Variants in MANBA observed in about 807,000 individuals in gnomAD.
MANBA encodes the protein mannosidase beta.
Under a neutral mutation model 111.1 loss-of-function variants are expected in MANBA, and 83 were observed. The observed-to-expected ratio is 0.75, with a 90% CI of 0.63 to 0.90. MANBA has a LOEUF of 0.90. Among genes scored for constraint, MANBA ranks in the 40% least tolerant of loss-of-function variants. The probability of loss-of-function intolerance (pLI) is 0.00; values close to 1 mark genes in which losing one functional copy is unlikely to be tolerated. For synonymous variants in MANBA, 370 were observed against 378.7 expected (o/e 0.98, Z 0.27); for missense variants, 1,036 against 1,069.0 (o/e 0.97, Z 0.43).
At chr4:102,719,330 C>T (rs1722473305) in intron 4 of MANBA, among the ~76,000 whole-genome samples, 1 of 152,222 alleles carries the variant, frequency 6.6e-6, no homozygotes, top group Admixed American at 6.5e-5. Flanking sequence ...CCTGACCCCA[C>T]AGGCAGTCAG....
intron 1 of MANBA, among the ~76,000 whole-genome samples, chr4:102,750,977 C>A (rs1000641410): frequency 9.2e-5 from 14 of 151,984 alleles, no homozygotes; most frequent in Non-Finnish European, 1.8e-4. Flanking sequence ...AGAGAAGAAA[C>A]AAAATTAGCC....
intron 11 of MANBA, among the ~76,000 whole-genome samples, chr4:102,662,255 C>T (rs908506427): frequency 6.6e-6 from 1 of 152,008 alleles, no homozygotes; most frequent in Non-Finnish European, 1.5e-5. Flanking sequence ...TAAAAGGTTA[C>T]TGTGGGCCAG....
At chr4:102,699,707 C>T (rs1258688072) in intron 5 of MANBA, among the ~76,000 whole-genome samples, 1 of 150,770 alleles carries the variant, frequency 6.6e-6, no homozygotes, top group Non-Finnish European at 1.5e-5. Context: ...AGGGATGAAG[C>T]CCACTTGATC....
At chr4:102,668,018 A>G (rs1731303328) in intron 10 of MANBA, 1 of 152,186 alleles carries the variant, frequency 6.6e-6, no homozygotes, top group African/African-American at 2.4e-5. Flanking sequence ...TACACTCACA[A>G]GTTGGTTTCT....
In MANBA at chr4:102,725,810, C is replaced by A. The variant is rs965270079; in HGVS notation, c.272+779G>T. Among the ~76,000 whole-genome samples the A allele has an allele frequency of 4.7e-4, 72 of 152,048 alleles. 1 individual carries two copies. Among genetic ancestry groups the A allele is most frequent in the Non-Finnish European group, 1.9e-4 (13 of 68,000 alleles). ...AAAAATTTGCAAGACCCACCCAGAA[C>A]AGACTGAACACAGGAAGATGAAGAA... On this transcript the variant is annotated intron_variant, in intron 2 of 16. Coordinates refer to ENST00000647097, the MANE Select transcript of MANBA (RefSeq NM_005908.4).
intron 14 of MANBA, 86 bp from the exon 15 acceptor site, chr4:102,636,093 C>T (rs952422610): frequency 3.9e-5 from 50 of 1,271,408 alleles, no homozygotes; most frequent in Non-Finnish European, 5.6e-5. Flanking sequence ...TGTGGCTCAT[C>T]GGGGTTCTAA....
intron 10 of MANBA, chr4:102,665,639 A>G (rs1052747478): frequency 1.3e-5 from 2 of 152,244 alleles, no homozygotes; most frequent in African/African-American, 4.8e-5. Context: ...AAAAGGATCC[A>G]CTTGTGTTAT....
intron 8 of MANBA, 73 bp from the exon 9 acceptor site, chr4:102,671,471 T>TAACAGATTAGA: frequency 2.3e-6 from 2 of 877,790 alleles, no homozygotes; most frequent in Non-Finnish European, 3.8e-6. Flanking sequence ...AACACATTTC[T>TAACAGATTAGA]AATCTGTTAG....
chr4:102,696,563 A>G (rs28707088), intron 5 of MANBA, among the ~76,000 whole-genome samples: 4,233 of 152,292 alleles, frequency 0.028, 137 homozygotes, highest in African/African-American at 0.078. Context: ...GGATGGCATC[A>G]GGAACCATAA....
intron 12 of MANBA, among the ~76,000 whole-genome samples, chr4:102,653,245 CACACACACACACACACACACAA>C (rs1285753637): frequency 1.4e-5 from 1 of 73,284 alleles, no homozygotes. Flanking sequence ...CACACACACA[CACACACACACACACACACACAA>C]GGTATTTACT....
At chr4:102,737,285 G>C (rs565994509) in intron 1 of MANBA, among the ~76,000 whole-genome samples, 74 of 152,330 alleles carry the variant, frequency 4.9e-4, no homozygotes, top group African/African-American at 1.7e-3. Context: ...GTGAGCAGGT[G>C]GGGAGGGGTG....
At chr4:102,673,466 C>G (rs6826048) in intron 8 of MANBA, among the ~76,000 whole-genome samples, 9,564 of 150,302 alleles carry the variant, frequency 0.064, 971 homozygotes, top group African/African-American at 0.22. Context: ...TGAGATCACG[C>G]GACTGCACTC....
intron 7 of MANBA, among the ~76,000 whole-genome samples, chr4:102,688,117 T>C (rs980939181): frequency 2.0e-5 from 3 of 152,086 alleles, no homozygotes; most frequent in African/African-American, 7.2e-5. Flanking sequence ...CTGTAGTAAG[T>C]TGGAATGACT....
chr4:102,679,486 G>T (rs1463193936), intron 7 of MANBA: 1 of 151,910 alleles, frequency 6.6e-6, no homozygotes, highest in Non-Finnish European at 1.5e-5. Flanking sequence ...TACAAAAAAG[G>T]AAAAGTTAAT....
chr4:102,760,675 G>T (rs1260200980), intron 1 of MANBA, 43 bp downstream of exon 1: 8 of 1,499,690 alleles, frequency 5.3e-6, no homozygotes, highest in East Asian at 2.5e-5. Flanking sequence ...AGCACCAGAA[G>T]AAGGCGGGCG....
intron 13 of MANBA, among the ~76,000 whole-genome samples, chr4:102,642,508 G>C (rs1345956925): frequency 1.3e-5 from 2 of 152,024 alleles, no homozygotes; most frequent in African/African-American, 2.4e-5. Flanking sequence ...TCGGGAAGCT[G>C]AGGCAGGAGA....
intron 11 of MANBA, chr4:102,663,057 C>T (rs1254844730): frequency 1.3e-5 from 2 of 152,244 alleles, no homozygotes; most frequent in African/African-American, 2.4e-5. Context: ...AGAACCTGTT[C>T]CCTATGAATG....
At chr4:102,637,658 T>A (rs1729689776) in intron 14 of MANBA, among the ~76,000 whole-genome samples, 1 of 152,228 alleles carries the variant, frequency 6.6e-6, no homozygotes, top group African/African-American at 2.4e-5. Context: ...TTCATCTACA[T>A]GCCTGGAGGG....
At chr4:102,703,145 T>G (rs549918387) in intron 5 of MANBA, among the ~76,000 whole-genome samples, 1 of 152,312 alleles carries the variant, frequency 6.6e-6, no homozygotes, top group Non-Finnish European at 1.5e-5. Flanking sequence ...GTTTGTTTGT[T>G]TTTGAGACAG....
Sources: gnomAD v4.1 joint callset for allele counts (sites outside exome capture counted in the v4.1 genomes callset) on GRCh38, gnomAD v4.1.1 for gene constraint, MANE v1.5 for transcripts, NCBI Gene and HGNC (gene_info 2026-07-23, HGNC 2026-07-21) for gene names.